NLE1: variants seen among roughly 807,000 people sequenced by gnomAD.
NLE1 encodes the protein notchless homolog 1.
Under a neutral mutation model 62.8 loss-of-function variants are expected in NLE1, and 37 were observed. The ratio of observed to expected loss-of-function variants is 0.59; its 90% CI spans 0.45 to 0.78. NLE1 has a LOEUF of 0.78. Among genes scored for constraint, NLE1 ranks in the 30% least tolerant of loss-of-function variants. The pLI, the probability that NLE1 is intolerant of heterozygous loss-of-function variation, is 0.00. For missense variants in NLE1, 555 were observed against 637.9 expected, an observed-to-expected ratio of 0.87 and a Z score of 1.40; for synonymous variants, 243 against 253.0, an observed-to-expected ratio of 0.96 and a Z score of 0.37.
At position 35,129,500 on chromosome 17, in the gene NLE1, G is replaced by C; in HGVS notation, c.*2937C>G. The C allele has an allele frequency of 6.2e-7, 1 of 1,614,208 alleles. No individual in the cohort carries two copies. The highest frequency in any genetic ancestry group is 8.5e-7 in the Non-Finnish European group (1 of 1,180,038). The stretch of plus-strand genomic sequence containing the variant: ...GTTACAGGAGGTGGCCAAGACACAG[G>C]AGAATGAGTTGCCCGAGGCAAAGAA... On this transcript the variant is annotated 3_prime_UTR_variant, in exon 13 of 13. Transcript: ENST00000442241.
intron 4 of NLE1, among the ~76,000 whole-genome samples, chr17:35,138,386 T>C (rs757942286): frequency 3.3e-5 from 5 of 152,144 alleles, no homozygotes; most frequent in Non-Finnish European, 5.9e-5. Context: ...CCAGGCCCAA[T>C]AGAACTAAAC....
Position 35,128,762 on chromosome 17 carries a change from G to T in NLE1, c.*3675C>A, listed in dbSNP as rs2091859538. On this transcript the variant is annotated 3_prime_UTR_variant, in exon 13 of 13. Transcript: ENST00000442241. ...ATGAGTCAAGCATATTACATTTATT[G>T]TGTACTTTATTTCTATTATTATTAC... 1 of 154,526 alleles carries T rather than the reference G, an allele frequency of 6.5e-6. No homozygotes were observed. Among genetic ancestry groups the T allele is most frequent in the Non-Finnish European group, 1.4e-5 (1 of 69,758 alleles). 9.6% of individuals were successfully genotyped at this position (154,526 alleles called of 1,614,324 possible). A position where few individuals can be genotyped will look rare whatever the true frequency, so the allele number is the denominator to read the frequency against.
intron 12 of NLE1, 74 bp downstream of exon 12, chr17:35,133,097 A>AG: frequency 7.2e-7 from 1 of 1,395,164 alleles, no homozygotes; most frequent in South Asian, 1.2e-5. Flanking sequence ...CTATGCTGTA[A>AG]GGGAAAGTGT....
At position 35,133,346 on chromosome 17, in the gene NLE1, G is replaced by A. The variant is rs767590380; in HGVS notation, c.1367C>T (p.Ala456Val). Residue 456 changes from alanine to valine, a missense_variant, in exon 11 of 13, where the codon GCG (alanine) becomes GTG (valine). By Grantham distance (64) the Ala-to-Val change is moderately conservative. Transcript: ENST00000442241. ...CCTGAGGGTTGGCCCTACCTCATCC[G>A]CGTGGCCGGGCAGGTCCATGGCCAG... is the stretch of plus-strand genomic sequence containing the variant. ...QKLAMDLPGH[A>V]DEVYAVDWSP... The A allele has an allele frequency of 1.9e-5, 30 of 1,614,056 alleles. No individual in the cohort carries two copies. Among genetic ancestry groups the A allele is most frequent in the Admixed American group, 3.3e-5 (2 of 60,002 alleles).
intron 4 of NLE1, among the ~76,000 whole-genome samples, 177 bp from the exon 5 acceptor site, chr17:35,138,067 G>C (rs189648841): frequency 1.3e-5 from 2 of 152,194 alleles, no homozygotes; most frequent in Non-Finnish European, 2.9e-5. Context: ...TTAGAGCTCT[G>C]CATCTTGCTG....
At position 35,140,952 on chromosome 17, in the gene NLE1, A is replaced by G. The variant is rs74782906; in HGVS notation, c.163-886T>C. ...AGTAGATACTAATATTCCCACTGAC[A>G]GTTTTCAAAAGCAGAGGCTCAGAAC... On this transcript the variant is annotated intron_variant, in intron 2 of 12. Transcript: ENST00000442241. 6.2e-4 allele frequency among the ~76,000 whole-genome samples: 95 copies of G among 152,330 alleles called. 1 individual carries two copies. In the East Asian group the frequency reaches 0.015, roughly 24 times the overall value.
chr17:35,142,066 G>C lies in NLE1; in HGVS notation c.75C>G (p.Gly25=). 6.2e-7 allele frequency: 1 copy of C among 1,612,632 alleles called. No homozygotes were observed. The highest frequency in any genetic ancestry group is 8.5e-7 in the Non-Finnish European group (1 of 1,179,918). Residue 25 remains glycine (G), a synonymous_variant, in exon 2 of 13, where the codon GGC becomes GGG. Coordinates refer to ENST00000442241, the MANE Select transcript of NLE1 (RefSeq NM_018096.5). ...CGAACGGGGAACCCAGCAGCTGCCCGCCCTCATCCTGGAACTGCACTAGCA... is the reference window on the plus strand; with the variant it reads ...CGAACGGGGAACCCAGCAGCTGCCCCCCCTCATCCTGGAACTGCACTAGCA... The part of the protein sequence containing the change: ...QRLLVQFQDE[G]GQLLGSPFDV...
rs748236400 is a variant in NLE1, at chr17:35,130,386, G to A, written c.*2051C>T. ...GGCAAAAGATCGTGTCCATCGGGCCGGAGGAGATGCGGAGGCTGGAGGATC... is the reference window on the plus strand; with the variant it reads ...GGCAAAAGATCGTGTCCATCGGGCCAGAGGAGATGCGGAGGCTGGAGGATC... On this transcript the variant is annotated 3_prime_UTR_variant, in exon 13 of 13. Transcript: ENST00000442241. The A allele has an allele frequency of 2.5e-5, 40 of 1,613,988 alleles. No homozygotes were observed. Among genetic ancestry groups the A allele is most frequent in the East Asian group, 2.2e-4 (10 of 44,884 alleles).
intron 10 of NLE1, 28 bp downstream of exon 10, chr17:35,135,221 C>G (rs767350578): frequency 2.6e-5 from 42 of 1,605,976 alleles, no homozygotes; most frequent in Middle Eastern, 1.6e-4. Context: ...TCACTCCTTA[C>G]AGAGAAGCAG....
At position 35,131,219 on chromosome 17, in the gene NLE1, T is replaced by C. The variant is rs1482438751; in HGVS notation, c.*1218A>G. On this transcript the variant is annotated 3_prime_UTR_variant, in exon 13 of 13. Transcript: ENST00000442241. Reference sequence around the variant, plus strand: ...TGGCACCAAGGAGCTCAGTGGCTGATAGTTTTGTTCGCTTCTTATGTAGCC... The same window carrying C: ...TGGCACCAAGGAGCTCAGTGGCTGACAGTTTTGTTCGCTTCTTATGTAGCC... The C allele has an allele frequency of 1.3e-5, 2 of 152,250 alleles. No individual in the cohort carries two copies. The highest frequency in any genetic ancestry group is 2.9e-5 in the Non-Finnish European group (2 of 68,054). The allele number at this position is 152,250 out of a possible 1,614,324, so 9.4% of individuals were successfully genotyped here.
At chr17:35,136,626 C>G in intron 7 of NLE1, 129 bp from the exon 8 acceptor site, 1 of 1,188,882 alleles carries the variant, frequency 8.4e-7, no homozygotes. Context: ...TCAAACTACC[C>G]CTCTGGGGTC....
intron 4 of NLE1, among the ~76,000 whole-genome samples, chr17:35,138,118 C>A (rs764921770): frequency 1.4e-4 from 21 of 152,204 alleles, no homozygotes; most frequent in Admixed American, 3.9e-4. Context: ...CCTTATGTGA[C>A]ACATGCTATG....
Position 35,129,038 on chromosome 17 carries a change from C to T in NLE1, c.*3399G>A, listed in dbSNP as rs78720302. 1,492 of 203,482 alleles carry T rather than the reference C, an allele frequency of 7.3e-3. 22 individuals carry two copies. The highest frequency in any genetic ancestry group is 0.031 in the African/African-American group (1,366 of 43,952). 12.6% of individuals were successfully genotyped at this position (203,482 alleles called of 1,614,324 possible). A position where few individuals can be genotyped will look rare whatever the true frequency, so the allele number is the denominator to read the frequency against. On this transcript the variant is annotated 3_prime_UTR_variant, in exon 13 of 13. Transcript: ENST00000442241. ...GACAGGAGGCAGAGCTCAGGTGGTA[C>T]CCTGAGCCGTGGGGAGCAGCTGTAA...
chr17:35,134,847 T>G, intron 10 of NLE1: 1 of 348,630 alleles, frequency 2.9e-6, no homozygotes, highest in African/African-American at 2.2e-5. Flanking sequence ...AGCTCAGGAG[T>G]TCAAGACCAG....
At position 35,129,347 on chromosome 17, in the gene NLE1, C is replaced by T; in HGVS notation, c.*3090G>A. The T allele has an allele frequency of 6.4e-6, 10 of 1,561,296 alleles. No homozygotes were observed. The highest frequency in any genetic ancestry group is 4.9e-5 in the South Asian group (4 of 82,278). On this transcript the variant is annotated 3_prime_UTR_variant, in exon 13 of 13. Coordinates refer to ENST00000442241, the MANE Select transcript of NLE1 (RefSeq NM_018096.5). ...AGGGGATGGGCATGGGACGTCCTGA[C>T]CCCAGTTGGGAGGGTGAAGGGACAG... is the stretch of plus-strand genomic sequence containing the variant.
chr17:35,132,908 C>T (rs1220020375), intron 12 of NLE1, among the ~76,000 whole-genome samples: 3 of 152,016 alleles, frequency 2.0e-5, no homozygotes, highest in African/African-American at 2.4e-5. Context: ...CCTGTTGTTC[C>T]GGTGGCCCTC....
intron 12 of NLE1, 97 bp from the exon 13 acceptor site, chr17:35,132,546 C>A: frequency 9.0e-7 from 1 of 1,112,858 alleles, no homozygotes; most frequent in Non-Finnish European, 1.2e-6. Flanking sequence ...GCCTGTGGTC[C>A]ACCCTCAGAG....
chr17:35,129,402 G>C lies in NLE1; in HGVS notation c.*3035C>G. The C allele has an allele frequency of 6.2e-7, 1 of 1,610,466 alleles. No homozygotes were observed. The highest frequency in any genetic ancestry group is 1.3e-5 in the African/African-American group (1 of 74,930). On this transcript the variant is annotated 3_prime_UTR_variant, in exon 13 of 13. Transcript: ENST00000442241. ...GACAGGACATATCTGAGGAAGCCTC[G>C]GGGCTCTCTCTTCCCCTAGATTTCC...
chr17:35,140,073 G>A lies in NLE1; in HGVS notation c.163-7C>T, dbSNP rs2091933529. 8.7e-6 allele frequency: 14 copies of A among 1,612,338 alleles called. No individual in the cohort carries two copies. Among genetic ancestry groups the A allele is most frequent in the Non-Finnish European group, 1.2e-5 (14 of 1,179,726 alleles). Reference sequence around the variant, plus strand: ...CCAGTGGCAGGGGATCCTCCTGAAGGACAATGGTAAAGGACAAACCCGCAA... The same window carrying A: ...CCAGTGGCAGGGGATCCTCCTGAAGAACAATGGTAAAGGACAAACCCGCAA... On this transcript the variant is annotated splice_region_variant and splice_polypyrimidine_tract_variant and intron_variant, in intron 2 of 12. Coordinates refer to ENST00000442241, the MANE Select transcript of NLE1 (RefSeq NM_018096.5).
Sources: gnomAD v4.1 joint callset for allele counts (sites outside exome capture counted in the v4.1 genomes callset) on GRCh38, gnomAD v4.1.1 for gene constraint, MANE v1.5 for transcripts, NCBI Gene and HGNC (gene_info 2026-07-23, HGNC 2026-07-21) for gene names.